SEPHS1: variants seen among roughly 807,000 people sequenced by gnomAD.
SEPHS1 encodes the protein selenophosphate synthetase 1, also known as zincore component SEPHS1.
In SEPHS1, 7 loss-of-function variants were observed where a neutral mutation model predicts 39.2. The ratio of observed to expected loss-of-function variants is 0.18; its 90% CI spans 0.10 to 0.34. SEPHS1 has a LOEUF of 0.34. Among genes scored for constraint, SEPHS1 ranks in the 10% least tolerant of loss-of-function variants. SEPHS1 has a pLI of 1.00. For synonymous variants in SEPHS1, 190 were observed against 195.5 expected, an observed-to-expected ratio of 0.97 and a Z score of 0.23; for missense variants, 253 against 514.5, an observed-to-expected ratio of 0.49 and a Z score of 4.92.
At chr10:13,345,170 G>A (rs1391043127) in intron 1 of SEPHS1, 142 bp from the exon 2 acceptor site, 1 of 397,772 alleles carries the variant, frequency 2.5e-6, no homozygotes, top group Non-Finnish European at 4.5e-6. Flanking sequence ...CCACAGCAGT[G>A]CATATGACAA....
chr10:13,345,398 A>C (rs988182111), intron 1 of SEPHS1: 1 of 155,554 alleles, frequency 6.4e-6, no homozygotes, highest in Non-Finnish European at 1.4e-5. Flanking sequence ...GTGGTTCAGA[A>C]AGCGGCGGTC....
At chr10:13,339,973 G>A (rs902757582) in intron 2 of SEPHS1, among the ~76,000 whole-genome samples, 2 of 152,140 alleles carry the variant, frequency 1.3e-5, no homozygotes, top group African/African-American at 2.4e-5. Context: ...CAGCCCAATA[G>A]CCAAAAGCAG....
intron 8 of SEPHS1, among the ~76,000 whole-genome samples, chr10:13,319,924 TA>T (rs1185366147): frequency 6.6e-6 from 1 of 152,200 alleles, no homozygotes; most frequent in African/African-American, 2.4e-5. Flanking sequence ...GGGGCTTCAA[TA>T]ACCCATGTGG....
At chr10:13,320,724 G>A (rs1299913506) in intron 8 of SEPHS1, among the ~76,000 whole-genome samples, 8 of 151,856 alleles carry the variant, frequency 5.3e-5, no homozygotes, top group African/African-American at 9.7e-5. Context: ...CCAGCTACTC[G>A]GGCTGAGGCA....
intron 8 of SEPHS1, among the ~76,000 whole-genome samples, chr10:13,321,057 G>A (rs1833096877): frequency 6.6e-6 from 1 of 151,936 alleles, no homozygotes; most frequent in South Asian, 2.1e-4. Context: ...GGCGGTGAGA[G>A]GCCTGGCAGA....
intron 4 of SEPHS1, among the ~76,000 whole-genome samples, chr10:13,335,524 G>A (rs1217008859): frequency 1.3e-5 from 2 of 151,948 alleles, no homozygotes; most frequent in East Asian, 1.9e-4. Flanking sequence ...ATTAGCTGGG[G>A]GTGCTGGTGT....
At chr10:13,322,143 C>CTTTTT in intron 8 of SEPHS1, 1 of 316,452 alleles carries the variant, frequency 3.2e-6, no homozygotes, top group South Asian at 2.5e-5. Context: ...ATTCTCTTTT[C>CTTTTT]TTTTTTTTTT....
At chr10:13,339,918 C>G (rs1192048596) in intron 2 of SEPHS1, among the ~76,000 whole-genome samples, 1 of 152,164 alleles carries the variant, frequency 6.6e-6, no homozygotes, top group African/African-American at 2.4e-5. Flanking sequence ...GAATCCCCCA[C>G]GAGGATTCTG....
chr10:13,328,242 C>G, intron 7 of SEPHS1, 109 bp downstream of exon 7: 1 of 716,018 alleles, frequency 1.4e-6, no homozygotes, highest in Non-Finnish European at 2.4e-6. Context: ...TCTGTAGTCA[C>G]TGGCCAAAAA....
intron 8 of SEPHS1, among the ~76,000 whole-genome samples, chr10:13,321,782 T>G (rs556134235): frequency 1.3e-5 from 2 of 152,202 alleles, no homozygotes; most frequent in African/African-American, 4.8e-5. Flanking sequence ...CTGTAGGCTG[T>G]GGGTGGCGGC....
intron 5 of SEPHS1, 70 bp from the exon 6 acceptor site, chr10:13,329,858 G>A: frequency 3.2e-6 from 4 of 1,243,084 alleles, no homozygotes; most frequent in Non-Finnish European, 4.6e-6. Flanking sequence ...ATTAACACAA[G>A]AGAAGGAATA....
intron 1 of SEPHS1, among the ~76,000 whole-genome samples, chr10:13,346,165 C>A (rs1833916216): frequency 6.6e-6 from 1 of 152,208 alleles, no homozygotes; most frequent in African/African-American, 2.4e-5. Flanking sequence ...AGCATTTCGG[C>A]CCTGTGTACC....
chr10:13,332,549 A>C (rs540697848), intron 5 of SEPHS1, among the ~76,000 whole-genome samples: 1 of 152,314 alleles, frequency 6.6e-6, no homozygotes, highest in South Asian at 2.1e-4. Context: ...TCAACTAAAA[A>C]ACCTAAAATG....
chr10:13,325,652 C>T (rs775786794), intron 7 of SEPHS1, among the ~76,000 whole-genome samples: 29 of 152,140 alleles, frequency 1.9e-4, no homozygotes, highest in Non-Finnish European at 2.8e-4. Context: ...TGGTGGCTCA[C>T]GCCTGCAATT....
rs1832994935 is a variant in SEPHS1 at position 13,318,065 on chromosome 10, A to G, written c.*1077T>C. 1 of 152,242 alleles carries G rather than the reference A, an allele frequency of 6.6e-6. No homozygotes were observed. The highest frequency in any genetic ancestry group is 1.5e-5 in the Non-Finnish European group (1 of 68,042). The allele number at this position is 152,242 out of a possible 1,614,324, so 9.4% of individuals were successfully genotyped here. On this transcript the variant is annotated 3_prime_UTR_variant, in exon 9 of 9. Transcript: ENST00000327347. ...AAAATAATACTAAAAGGGGCATCTG[A>G]TTATACAAGAGCAATTTAAAAAATT...
intron 5 of SEPHS1, among the ~76,000 whole-genome samples, chr10:13,332,208 C>T (rs993496239): frequency 6.6e-6 from 1 of 152,196 alleles, no homozygotes; most frequent in African/African-American, 2.4e-5. Flanking sequence ...AATGCGATAC[C>T]GATTCATGCT....
At chr10:13,323,083 C>A in intron 7 of SEPHS1, 36 bp from the exon 8 acceptor site, 2 of 1,569,224 alleles carry the variant, frequency 1.3e-6, no homozygotes, top group Non-Finnish European at 1.8e-6. Context: ...AGAAAAAACA[C>A]CTTTCCTCAA....
chr10:13,329,924 C>T (rs1044761274), intron 5 of SEPHS1, 136 bp from the exon 6 acceptor site: 38 of 715,846 alleles, frequency 5.3e-5, no homozygotes, highest in Non-Finnish European at 8.8e-5. Flanking sequence ...CAACTACCAG[C>T]ATGTATGGGA....
chr10:13,336,731 A>G (rs1349369170), intron 3 of SEPHS1, among the ~76,000 whole-genome samples: 1 of 152,218 alleles, frequency 6.6e-6, no homozygotes, highest in African/African-American at 2.4e-5. Context: ...TGGAGCGAAA[A>G]AGCCTGCAAA....
Sources: allele counts gnomAD v4.1 joint callset (sites outside exome capture counted in the v4.1 genomes callset), GRCh38; gene constraint gnomAD v4.1.1; transcripts MANE v1.5; gene names NCBI Gene and HGNC (gene_info 2026-07-23, HGNC 2026-07-21).